The following NPRL3 variants were observed in gnomAD, a reference collection of about 807,000 sequenced individuals.
The protein encoded by NPRL3 is NPR3 like, GATOR1 complex subunit.
NPRL3 carries 23 observed loss-of-function variants against 57.2 expected under a neutral mutation model. The ratio of observed to expected loss-of-function variants is 0.40; its 90% CI spans 0.29 to 0.57. The LOEUF (loss-of-function observed/expected upper bound fraction) is 0.57, where lower values mean the gene tolerates loss of function less well. NPRL3 is among the 20% of genes least tolerant of loss of function. The pLI is 0.42. For missense variants in NPRL3, 691 were observed against 767.1 expected, an observed-to-expected ratio of 0.90 and a Z score of 1.17; for synonymous variants, 333 against 321.1, an observed-to-expected ratio of 1.04 and a Z score of -0.39.
In NPRL3 at chr16:117,599, C is replaced by T. The variant is rs369883635; in HGVS notation, c.319-224G>A. ...TCTGACCCCCTCGCCCCCCCGCTAACAGAAGTGAGCTGACAATGCCCACAG... is the reference window on the plus strand; with the variant it reads ...TCTGACCCCCTCGCCCCCCCGCTAATAGAAGTGAGCTGACAATGCCCACAG... On this transcript the variant is annotated intron_variant, in intron 4 of 13. Coordinates refer to ENST00000611875, the MANE Select transcript of NPRL3 (RefSeq NM_001077350.3). Among the ~76,000 whole-genome samples the T allele has an allele frequency of 8.5e-5, 13 of 152,226 alleles. No individual in the cohort carries two copies. The East Asian group carries it at 1.2e-3, about 14-fold the overall frequency.
chr16:85,935 C>T lies in NPRL3; in HGVS notation c.*770G>A, dbSNP rs55912788. The T allele has an allele frequency of 5.8e-5, 50 of 869,390 alleles. No homozygotes were observed. In the East Asian group the frequency reaches 1.4e-3, roughly 24 times the overall value. 53.9% of individuals were successfully genotyped at this position (869,390 alleles called of 1,614,324 possible). On this transcript the variant is annotated 3_prime_UTR_variant, in exon 14 of 14. Transcript: ENST00000611875. ...GACACGAGAGCTGGGGGCCTGAGTA[C>T]GTAGCGCCAGGCCCGGTGTGGATGC...
chr16:120,413 T>G (rs1177380814), intron 3 of NPRL3, among the ~76,000 whole-genome samples: 1 of 152,100 alleles, frequency 6.6e-6, no homozygotes, highest in African/African-American at 2.4e-5. Flanking sequence ...AACTCCTCCA[T>G]GTTGTGATGA....
intron 2 of NPRL3, among the ~76,000 whole-genome samples, chr16:131,883 A>G (rs909964693): frequency 2.6e-5 from 4 of 152,160 alleles, no homozygotes; most frequent in African/African-American, 9.7e-5. Context: ...CAATGCTCTC[A>G]AACTGTACCA....
chr16:117,211 C>A (rs1457247509), intron 5 of NPRL3, 90 bp downstream of exon 5: 1 of 896,904 alleles, frequency 1.1e-6, no homozygotes, highest in East Asian at 2.6e-5. Flanking sequence ...GCAGTCCAAG[C>A]TCCGAGTCAA....
At chr16:120,264 AG>A (rs1900228362) in intron 3 of NPRL3, among the ~76,000 whole-genome samples, 1 of 152,200 alleles carries the variant, frequency 6.6e-6, no homozygotes, top group Admixed American at 6.5e-5. Flanking sequence ...TAGCCTCCGC[AG>A]GGCCATACTC....
chr16:88,094 C>G (rs1316950848), intron 13 of NPRL3, among the ~76,000 whole-genome samples: 1 of 152,172 alleles, frequency 6.6e-6, no homozygotes, highest in Non-Finnish European at 1.5e-5. Context: ...CCTGCACTGT[C>G]CCCCAAGTCA....
intron 9 of NPRL3, among the ~76,000 whole-genome samples, chr16:96,592 C>T (rs1358760715): frequency 4.2e-5 from 6 of 143,318 alleles, no homozygotes; most frequent in Admixed American, 3.7e-4. Flanking sequence ...GCGATGATCA[C>T]TTGAGCCCAG....
chr16:92,835 G>A, intron 10 of NPRL3, 110 bp from the exon 11 acceptor site: 2 of 1,405,464 alleles, frequency 1.4e-6, no homozygotes, highest in Non-Finnish European at 1.9e-6. Context: ...GGTCAGGACA[G>A]TGCGATGAGG....
At chr16:98,035 G>A (rs942765420) in intron 9 of NPRL3, 110 bp downstream of exon 9, 13 of 1,358,476 alleles carry the variant, frequency 9.6e-6, no homozygotes, top group South Asian at 2.7e-5. Flanking sequence ...GGGCTGTGCC[G>A]CGGCTCTCAG....
Position 98,231 on chromosome 16 carries a change from G to C in NPRL3, c.838C>G (p.Pro280Ala). 5 of 1,613,972 alleles carry C rather than the reference G, an allele frequency of 3.1e-6. No homozygotes were observed. The highest frequency in any genetic ancestry group is 4.2e-6 in the Non-Finnish European group (5 of 1,179,880). The change falls in exon 9 of 14, where the codon CCT becomes GCT. Residue 280 changes from proline (P) to alanine (A), a missense_variant. Coordinates refer to ENST00000611875, the MANE Select transcript of NPRL3 (RefSeq NM_001077350.3). ...LLGELPIDCSPALVRVIKTTS... is the reference protein window; with the variant it reads ...LLGELPIDCSAALVRVIKTTS... ...GTCTTGATCACCCGCACTAGGGCAG[G>C]GGAGCAGTCAATAGGAAGCTCACCC...
chr16:134,698 T>TA (rs1596543845), intron 2 of NPRL3, among the ~76,000 whole-genome samples: 6,653 of 127,530 alleles, frequency 0.052, 133 homozygotes, highest in Middle Eastern at 0.098. Flanking sequence ...ATTATTATTT[T>TA]TTTTTTTTTT....
At chr16:88,613 G>T in intron 13 of NPRL3, 85 bp downstream of exon 13, 1 of 1,203,102 alleles carries the variant, frequency 8.3e-7, no homozygotes, top group Non-Finnish European at 1.2e-6. Flanking sequence ...CAGTGGATTT[G>T]GTGGTTCTGT....
chr16:131,331 T>C (rs547516858), intron 2 of NPRL3, among the ~76,000 whole-genome samples: 1 of 151,492 alleles, frequency 6.6e-6, no homozygotes, highest in South Asian at 2.1e-4. Context: ...TACAAAAAAT[T>C]AGCCGGGCGT....
At chr16:94,358 C>G (rs554469945) in intron 9 of NPRL3, among the ~76,000 whole-genome samples, 10 of 152,232 alleles carry the variant, frequency 6.6e-5, no homozygotes, top group African/African-American at 2.4e-4. Flanking sequence ...GGACACCACT[C>G]CACCCTCTTG....
chr16:92,039 GC>G (rs1316370368), intron 11 of NPRL3, among the ~76,000 whole-genome samples: 1 of 152,170 alleles, frequency 6.6e-6, no homozygotes, highest in Admixed American at 6.5e-5. Flanking sequence ...CAACCTGCCT[GC>G]CCGTTGCCCT....
chr16:137,480 A>G (rs1479344180), intron 2 of NPRL3, among the ~76,000 whole-genome samples: 2 of 152,060 alleles, frequency 1.3e-5, no homozygotes, highest in African/African-American at 4.8e-5. Flanking sequence ...ACAACTCCCA[A>G]CACGGCCAGG....
Position 86,362 on chromosome 16 carries a change from G to A in NPRL3, c.*343C>T. 3.6e-6 allele frequency: 1 copy of A among 275,538 alleles called. No homozygotes were observed. Among genetic ancestry groups the A allele is most frequent in the Non-Finnish European group, 7.0e-6 (1 of 142,440 alleles). The allele number at this position is 275,538 out of a possible 1,614,324, so 17.1% of individuals were successfully genotyped here. On this transcript the variant is annotated 3_prime_UTR_variant, in exon 14 of 14. Transcript: ENST00000611875. ...CCAAGGAGCAGGTGTAGGGACAGAA[G>A]GAGGGTCTGAGAAACGCACAGCCCA...
chr16:105,089 T>C (rs1016040605), intron 7 of NPRL3, among the ~76,000 whole-genome samples: 8 of 152,168 alleles, frequency 5.3e-5, no homozygotes, highest in African/African-American at 1.9e-4. Flanking sequence ...TCCTCAAGAC[T>C]TATCCAGCCC....
chr16:92,846 G>T, intron 10 of NPRL3, 121 bp from the exon 11 acceptor site: 1 of 1,331,670 alleles, frequency 7.5e-7, no homozygotes, highest in Non-Finnish European at 1.0e-6. Flanking sequence ...TGCGATGAGG[G>T]CAGAACGGTA....
Sources: gnomAD v4.1 joint callset for allele counts (sites outside exome capture counted in the v4.1 genomes callset) on GRCh38, gnomAD v4.1.1 for gene constraint, MANE v1.5 for transcripts, NCBI Gene and HGNC (gene_info 2026-07-23, HGNC 2026-07-21) for gene names.